The following CSMD1 variants were observed in gnomAD, a reference collection of about 807,000 sequenced individuals.
The protein encoded by CSMD1 is CUB and Sushi multiple domains 1.
A neutral mutation model predicts 417.5 loss-of-function variants in CSMD1; 213 were observed. That is an observed-to-expected ratio of 0.51 (90% CI 0.46 to 0.57). The LOEUF is 0.57. Among genes scored for constraint, CSMD1 ranks in the 20% least tolerant of loss-of-function variants. CSMD1 has a pLI of 0.00. For missense variants in CSMD1, 6,923 were observed against 4,529.7 expected, an observed-to-expected ratio of 1.53 and a Z score of -15.17; for synonymous variants, 2,862 against 1,736.8, an observed-to-expected ratio of 1.65 and a Z score of -16.11.
chr8:3,759,935 G>A (rs75087745), intron 5 of CSMD1, among the ~76,000 whole-genome samples: 2,176 of 150,810 alleles, frequency 0.014, 21 homozygotes, highest in Middle Eastern at 0.024. Context: ...AATGAGGAAC[G>A]GGGAAATAAT....
intron 4 of CSMD1, among the ~76,000 whole-genome samples, chr8:4,026,636 A>T (rs1037250406): frequency 4.6e-5 from 7 of 152,258 alleles, no homozygotes; most frequent in African/African-American, 1.7e-4. Flanking sequence ...ATCTCCTGGG[A>T]AGCTACAAGC....
intron 34 of CSMD1, 148 bp downstream of exon 34, chr8:3,189,764 C>G: frequency 1.5e-6 from 1 of 651,828 alleles, no homozygotes; most frequent in Non-Finnish European, 2.6e-6. Context: ...GGTTTGGCTA[C>G]TAACTCAATT....
chr8:3,692,656 C>A (rs1800316213), intron 7 of CSMD1, among the ~76,000 whole-genome samples: 3 of 152,082 alleles, frequency 2.0e-5, no homozygotes, highest in Non-Finnish European at 4.4e-5. Flanking sequence ...TGGTCTCGAA[C>A]CCCTGACCTC....
Position 2,962,090 on chromosome 8 carries a change from C to T in CSMD1, c.9628+376G>A, listed in dbSNP as rs370010650. Among the ~76,000 whole-genome samples the T allele has an allele frequency of 3.3e-5, 5 of 152,142 alleles. No homozygotes were observed. The East Asian group carries it at 9.6e-4, about 29-fold the overall frequency. Reference sequence around the variant, plus strand: ...AAATTAACCCAGCGATAAAACTTGACTCTGCAGCAATAAAACAACAGCAAG... The same window carrying T: ...AAATTAACCCAGCGATAAAACTTGATTCTGCAGCAATAAAACAACAGCAAG... On this transcript the variant is annotated intron_variant, in intron 61 of 69. Transcript: ENST00000635120.
chr8:3,145,838 A>G (rs1048262088), intron 40 of CSMD1, among the ~76,000 whole-genome samples: 2 of 152,232 alleles, frequency 1.3e-5, no homozygotes, highest in African/African-American at 4.8e-5. Flanking sequence ...GGTGGAACTT[A>G]CCCAGCACTG....
intron 3 of CSMD1, among the ~76,000 whole-genome samples, chr8:4,283,063 G>C (rs138878438): frequency 5.0e-4 from 76 of 152,222 alleles, no homozygotes; most frequent in African/African-American, 1.7e-3. Context: ...GTTAGAAACA[G>C]ACTGTTTTTA....
intron 3 of CSMD1, among the ~76,000 whole-genome samples, chr8:4,112,378 G>A (rs1433945358): frequency 6.6e-6 from 1 of 152,142 alleles, no homozygotes; most frequent in Non-Finnish European, 1.5e-5. Context: ...AACCCATCCA[G>A]GAAGAAAATG....
chr8:4,774,056 G>A (rs1003476622), intron 1 of CSMD1, among the ~76,000 whole-genome samples: 3 of 152,058 alleles, frequency 2.0e-5, no homozygotes, highest in African/African-American at 7.2e-5. Flanking sequence ...TATTAGCTGG[G>A]CATGGCGATA....
chr8:3,676,540 G>A (rs934526806), intron 7 of CSMD1, among the ~76,000 whole-genome samples: 1 of 152,188 alleles, frequency 6.6e-6, no homozygotes, highest in African/African-American at 2.4e-5. Context: ...AAATATATCC[G>A]AATGGTACAC....
intron 2 of CSMD1, among the ~76,000 whole-genome samples, chr8:4,551,936 C>G (rs1797890687): frequency 6.6e-6 from 1 of 151,880 alleles, no homozygotes; most frequent in Non-Finnish European, 1.5e-5. Context: ...ATCTGCCCAC[C>G]TTGACCTCCC....
At chr8:3,917,358 T>C (rs1027635088) in intron 5 of CSMD1, among the ~76,000 whole-genome samples, 6 of 152,076 alleles carry the variant, frequency 3.9e-5, no homozygotes, top group Non-Finnish European at 7.4e-5. Flanking sequence ...GTCCACTCAC[T>C]TTGACACTTC....
chr8:4,705,700 C>T (rs1807893786), intron 1 of CSMD1, among the ~76,000 whole-genome samples: 1 of 152,140 alleles, frequency 6.6e-6, no homozygotes. Flanking sequence ...TTCTGAGTGT[C>T]TCTTTAACGT....
intron 1 of CSMD1, among the ~76,000 whole-genome samples, chr8:4,776,696 C>A (rs192872098): frequency 6.6e-6 from 1 of 152,292 alleles, no homozygotes. Context: ...ACAACCAGAA[C>A]ACTGGCTTGA....
intron 2 of CSMD1, among the ~76,000 whole-genome samples, chr8:4,440,722 G>C (rs1276124948): frequency 6.6e-6 from 1 of 152,144 alleles, no homozygotes; most frequent in Admixed American, 6.5e-5. Flanking sequence ...CTGGCCGGGT[G>C]TGGTGGTTCA....
At chr8:4,179,541 C>G (rs1485425071) in intron 3 of CSMD1, among the ~76,000 whole-genome samples, 3 of 150,302 alleles carry the variant, frequency 2.0e-5, no homozygotes, top group African/African-American at 7.4e-5. Flanking sequence ...GTCTAAAACA[C>G]CAAAAGCAAT....
chr8:4,953,779 C>G (rs1042482568), intron 1 of CSMD1, among the ~76,000 whole-genome samples: 4 of 152,162 alleles, frequency 2.6e-5, no homozygotes, highest in African/African-American at 9.7e-5. Context: ...TTCTCTCTGT[C>G]TTTGGTAATT....
intron 53 of CSMD1, among the ~76,000 whole-genome samples, chr8:2,999,144 T>A (rs1365276711): frequency 7.2e-6 from 1 of 138,682 alleles, no homozygotes; most frequent in African/African-American, 2.6e-5. Context: ...TACCTCTTTC[T>A]TTTTTTTCCC....
At chr8:3,734,848 T>C (rs185540463) in intron 6 of CSMD1, among the ~76,000 whole-genome samples, 49 of 152,324 alleles carry the variant, frequency 3.2e-4, no homozygotes, top group Non-Finnish European at 1.5e-5. Flanking sequence ...CCCATGAAAC[T>C]TCATCTAATG....
chr8:4,457,486 T>C (rs1268597442), intron 2 of CSMD1, among the ~76,000 whole-genome samples: 1 of 152,060 alleles, frequency 6.6e-6, no homozygotes, highest in Non-Finnish European at 1.5e-5. Context: ...TTACCTGTAG[T>C]TTTCTATAAG....
Sources: gnomAD v4.1 joint callset for allele counts (sites outside exome capture counted in the v4.1 genomes callset) on GRCh38, gnomAD v4.1.1 for gene constraint, MANE v1.5 for transcripts, NCBI Gene and HGNC (gene_info 2026-07-23, HGNC 2026-07-21) for gene names.